The following KCNQ5 variants were observed in gnomAD, a reference collection of about 807,000 sequenced individuals.
KCNQ5 encodes the protein potassium voltage-gated channel subfamily Q member 5, also known as potassium voltage-gated channel subfamily KQT member 5.
KCNQ5 carries 30 observed loss-of-function variants against 98.2 expected under a neutral mutation model. The observed-to-expected ratio is 0.31, with a 90% CI of 0.23 to 0.41. The LOEUF is 0.41. Among genes scored for constraint, KCNQ5 ranks in the 10% least tolerant of loss-of-function variants. The pLI is 1.00. For synonymous variants in KCNQ5, 458 were observed against 449.4 expected, an observed-to-expected ratio of 1.02 and a Z score of -0.24; for missense variants, 835 against 1,182.5, an observed-to-expected ratio of 0.71 and a Z score of 4.31.
chr6:72,728,569 T>C (rs1209525208), intron 1 of KCNQ5, among the ~76,000 whole-genome samples: 1 of 152,206 alleles, frequency 6.6e-6, no homozygotes, highest in Non-Finnish European at 1.5e-5. Flanking sequence ...AGTCATTGAT[T>C]GGTCCATAGC....
Position 72,793,091 on chromosome 6 carries a change from G to A in KCNQ5, c.398+170504G>A, listed in dbSNP as rs138211084. ...CATAGGAGATACATATCTGTCTACA[G>A]TGCGTAGGGCATTTGCACCTTGAGT... On this transcript the variant is annotated intron_variant, in intron 1 of 13. Coordinates refer to ENST00000370398, the MANE Select transcript of KCNQ5 (RefSeq NM_019842.4). Among the ~76,000 whole-genome samples, 101 of 152,324 alleles carry A rather than the reference G, an allele frequency of 6.6e-4. 3 individuals carry two copies. Among genetic ancestry groups the A allele is most frequent in the African/African-American group, 2.4e-3 (100 of 41,584 alleles).
chr6:72,652,347 A>T (rs571619038), intron 1 of KCNQ5, among the ~76,000 whole-genome samples: 1 of 151,928 alleles, frequency 6.6e-6, no homozygotes, highest in Non-Finnish European at 1.5e-5. Context: ...CCTTAGAGTG[A>T]GATATTAATT....
At chr6:72,970,429 A>G (rs923507586) in intron 1 of KCNQ5, among the ~76,000 whole-genome samples, 1 of 152,224 alleles carries the variant, frequency 6.6e-6, no homozygotes, top group African/African-American at 2.4e-5. Context: ...TTACATATGC[A>G]CATGTATTCA....
At chr6:72,698,309 C>G (rs1418889013) in intron 1 of KCNQ5, among the ~76,000 whole-genome samples, 1 of 151,986 alleles carries the variant, frequency 6.6e-6, no homozygotes, top group Admixed American at 6.6e-5. Context: ...GCTCAAGCGA[C>G]TCTCCTGCCT....
intron 1 of KCNQ5, among the ~76,000 whole-genome samples, chr6:72,645,219 A>AC (rs1388801418): frequency 6.8e-5 from 10 of 147,062 alleles, no homozygotes; most frequent in East Asian, 6.2e-4. Flanking sequence ...AAAAACAAAA[A>AC]AAAACAAAAA....
At chr6:72,673,727 C>T (rs1767259150) in intron 1 of KCNQ5, among the ~76,000 whole-genome samples, 2 of 152,160 alleles carry the variant, frequency 1.3e-5, no homozygotes, top group Admixed American at 6.5e-5. Context: ...CATTGTTATC[C>T]TTTATCCTCT....
chr6:72,675,979 TA>T (rs1767386757), intron 1 of KCNQ5, among the ~76,000 whole-genome samples: 1 of 152,216 alleles, frequency 6.6e-6, no homozygotes, highest in Non-Finnish European at 1.5e-5. Flanking sequence ...TGAAACTGGT[TA>T]TTGCTCCTAT....
At chr6:73,043,263 G>A (rs1368976943) in intron 3 of KCNQ5, 23 of 226,532 alleles carry the variant, frequency 1.0e-4, no homozygotes, top group Admixed American at 5.4e-4. Context: ...TTATGGAAAT[G>A]TGGCTGTGTG....
chr6:72,896,953 T>C (rs1268926961), intron 1 of KCNQ5, among the ~76,000 whole-genome samples: 2 of 152,082 alleles, frequency 1.3e-5, no homozygotes, highest in Non-Finnish European at 2.9e-5. Context: ...GGTTGGTTGG[T>C]TGGTTGGTTG....
At chr6:72,964,026 CTTGT>C (rs1246527892) in intron 1 of KCNQ5, among the ~76,000 whole-genome samples, 1 of 152,084 alleles carries the variant, frequency 6.6e-6, no homozygotes, top group Non-Finnish European at 1.5e-5. Context: ...GTTTCAGTGC[CTTGT>C]TTGAGGTCTC....
intron 1 of KCNQ5, among the ~76,000 whole-genome samples, chr6:72,877,856 C>T (rs1778481385): frequency 1.3e-5 from 2 of 152,350 alleles, no homozygotes; most frequent in South Asian, 4.1e-4. Flanking sequence ...CCGCAGATCT[C>T]ATACAGAACT....
intron 1 of KCNQ5, among the ~76,000 whole-genome samples, chr6:72,914,597 G>A (rs538179738): frequency 1.4e-5 from 2 of 147,952 alleles, no homozygotes; most frequent in East Asian, 2.0e-4. Context: ...CATTTTAGAT[G>A]TGAAAATATA....
chr6:72,973,445 T>A (rs1218661372), intron 1 of KCNQ5, among the ~76,000 whole-genome samples: 1 of 152,122 alleles, frequency 6.6e-6, no homozygotes, highest in Non-Finnish European at 1.5e-5. Flanking sequence ...TTTGTAGAAA[T>A]CCTTTGAAAG....
At chr6:73,021,501 G>A (rs1276912238) in intron 2 of KCNQ5, among the ~76,000 whole-genome samples, 2 of 151,978 alleles carry the variant, frequency 1.3e-5, no homozygotes, top group Non-Finnish European at 2.9e-5. Flanking sequence ...TTCATTATTG[G>A]TTTTATTATA....
intron 1 of KCNQ5, among the ~76,000 whole-genome samples, chr6:72,741,769 A>T (rs756724291): frequency 1.4e-4 from 21 of 152,140 alleles, no homozygotes; most frequent in Middle Eastern, 3.2e-3. Context: ...TCACTTACAG[A>T]TCTATGAGAA....
chr6:72,645,026 C>T (rs1157108215), intron 1 of KCNQ5, among the ~76,000 whole-genome samples: 1 of 151,932 alleles, frequency 6.6e-6, no homozygotes, highest in Non-Finnish European at 1.5e-5. Flanking sequence ...CCCCATATCC[C>T]AGCATGCTGG....
chr6:72,837,993 T>G (rs941845786), intron 1 of KCNQ5, among the ~76,000 whole-genome samples: 2 of 152,034 alleles, frequency 1.3e-5, no homozygotes, highest in Non-Finnish European at 2.9e-5. Context: ...AGGGTACATG[T>G]GCACAACGTG....
At chr6:73,002,898 T>G (rs1769648736) in intron 1 of KCNQ5, among the ~76,000 whole-genome samples, 1 of 152,156 alleles carries the variant, frequency 6.6e-6, no homozygotes, top group Non-Finnish European at 1.5e-5. Context: ...TCAAGTGTGG[T>G]GGTAAGACTT....
rs896511179 is a variant in KCNQ5, at chr6:72,663,407, G to A, written c.398+40820G>A. ...TATTTGGTATTTTGCCCCCTACAAG[G>A]TTGACTGAGACTAAACTAGTCTTCC... On this transcript the variant is annotated intron_variant, in intron 1 of 13. Transcript: ENST00000370398. Among the ~76,000 whole-genome samples the A allele has an allele frequency of 2.6e-4, 40 of 152,064 alleles. 1 individual carries two copies. The highest frequency in any genetic ancestry group is 2.3e-3 in the Admixed American group (35 of 15,248).
Sources: allele counts gnomAD v4.1 joint callset (sites outside exome capture counted in the v4.1 genomes callset), GRCh38; gene constraint gnomAD v4.1.1; transcripts MANE v1.5; gene names NCBI Gene and HGNC (gene_info 2026-07-23, HGNC 2026-07-21).